The following VTA1 variants were observed in gnomAD, a reference collection of about 807,000 sequenced individuals.
The protein encoded by VTA1 is vesicle trafficking 1.
VTA1 carries 24 observed loss-of-function variants against 36.9 expected under a neutral mutation model. The ratio of observed to expected loss-of-function variants is 0.65; its 90% CI spans 0.47 to 0.91. VTA1 has a LOEUF of 0.91. VTA1 is among the 40% of genes least tolerant of loss of function. VTA1 has a pLI of 0.00. For missense variants in VTA1, 393 were observed against 377.2 expected, an observed-to-expected ratio of 1.04 and a Z score of -0.35; for synonymous variants, 142 against 130.2, an observed-to-expected ratio of 1.09 and a Z score of -0.62.
In VTA1 at chr6:142,166,272, ACTC is replaced by A. The variant is rs1774913491; in HGVS notation, c.160_162del (p.Pro54del). 16 of 1,612,280 alleles carry A rather than the reference ACTC, an allele frequency of 9.9e-6. No individual in the cohort carries two copies. The highest frequency in any genetic ancestry group is 1.4e-5 in the Non-Finnish European group (16 of 1,179,058). On this transcript the variant is annotated inframe_deletion, in exon 2 of 8. Coordinates refer to ENST00000367630, the MANE Select transcript of VTA1 (RefSeq NM_016485.5). The stretch of plus-strand genomic sequence containing the variant: ...GACTGGAATGAAGATCGATAGTAAA[ACTC>A]CTGAATGTCGCAAATTTTTATCAAA...
At chr6:142,155,677 G>C (rs1351858978) in intron 1 of VTA1, among the ~76,000 whole-genome samples, 1 of 152,060 alleles carries the variant, frequency 6.6e-6, no homozygotes, top group Non-Finnish European at 1.5e-5. Context: ...TTAGGCACTT[G>C]GTTGTCTCCA....
At chr6:142,164,762 A>G (rs17071508) in intron 1 of VTA1, among the ~76,000 whole-genome samples, 2,025 of 152,262 alleles carry the variant, frequency 0.013, 53 homozygotes, top group African/African-American at 0.046. Flanking sequence ...AACTTAATAT[A>G]TTATAATGAA....
intron 1 of VTA1, among the ~76,000 whole-genome samples, 166 bp downstream of exon 1, chr6:142,147,565 G>A (rs1210285986): frequency 1.3e-5 from 2 of 152,168 alleles, no homozygotes; most frequent in East Asian, 1.9e-4. Flanking sequence ...CTGGCAGTAG[G>A]AATCCCAAAA....
rs182765190 is a variant in VTA1 at position 142,151,350 on chromosome 6, A to G, written c.112+3951A>G. ...TGTGTTGCAGTATTCTGAATTCTCA[A>G]AATGATAAAAATTTTCATGAGATGA... is the stretch of plus-strand genomic sequence containing the variant. On this transcript the variant is annotated intron_variant, in intron 1 of 7. Transcript: ENST00000367630. 1.2e-3 allele frequency among the ~76,000 whole-genome samples: 189 copies of G among 152,258 alleles called. 1 individual carries two copies. The highest frequency in any genetic ancestry group is 4.4e-3 in the African/African-American group (182 of 41,550).
intron 1 of VTA1, among the ~76,000 whole-genome samples, chr6:142,156,415 C>G (rs1186947807): frequency 4.6e-5 from 7 of 152,140 alleles, no homozygotes; most frequent in African/African-American, 1.7e-4. Flanking sequence ...GAGATGCTTT[C>G]TGTTAATAGT....
chr6:142,169,109 AT>A (rs1345621164), intron 2 of VTA1, among the ~76,000 whole-genome samples: 1 of 151,698 alleles, frequency 6.6e-6, no homozygotes. Flanking sequence ...TTCTAGTCTT[AT>A]TTTTTTTAGA....
At chr6:142,183,768 A>T (rs1479937880) in intron 4 of VTA1, among the ~76,000 whole-genome samples, 1 of 152,228 alleles carries the variant, frequency 6.6e-6, no homozygotes, top group East Asian at 1.9e-4. Context: ...TAGTGGAATT[A>T]CAACTGCCGG....
At chr6:142,211,286 T>G (rs1336578337) in intron 7 of VTA1, among the ~76,000 whole-genome samples, 1 of 152,086 alleles carries the variant, frequency 6.6e-6, no homozygotes, top group Non-Finnish European at 1.5e-5. Flanking sequence ...ATATTTTACC[T>G]TCATAAAAAA....
rs552763565 is a variant in VTA1, at chr6:142,210,826, C to A, written c.778+6761C>A. On this transcript the variant is annotated intron_variant, in intron 7 of 7. Transcript: ENST00000367630. Reference sequence around the variant, plus strand: ...TTCCAAAGGAAAGGAAAACAATATCCAAAAGAAAGGAAATGAATATGCTGC... The same window carrying A: ...TTCCAAAGGAAAGGAAAACAATATCAAAAAGAAAGGAAATGAATATGCTGC... Among the ~76,000 whole-genome samples the A allele has an allele frequency of 3.9e-5, 6 of 152,034 alleles. No homozygotes were observed. The South Asian group carries it at 1.0e-3, about 26-fold the overall frequency.
Position 142,147,292 on chromosome 6 carries a change from C to G in VTA1, c.5C>G (p.Ala2Gly), listed in dbSNP as rs765995461. Residue 2 changes from alanine to glycine, a missense_variant, in exon 1 of 8, where the codon GCC becomes GGC. Transcript: ENST00000367630. The stretch of plus-strand genomic sequence containing the variant: ...AGTGGTGAGTTCGGAGTAGAGATGG[C>G]CGCGCTTGCACCGCTGCCCCCGCTC... M[A>G]ALAPLPPLPA... 4.3e-6 allele frequency: 7 copies of G among 1,614,124 alleles called. No homozygotes were observed. The highest frequency in any genetic ancestry group is 4.5e-5 in the East Asian group (2 of 44,880).
intron 7 of VTA1, among the ~76,000 whole-genome samples, chr6:142,218,086 T>G: frequency 6.6e-6 from 1 of 152,190 alleles, no homozygotes; most frequent in Non-Finnish European, 1.5e-5. Context: ...CTGGTTTTCT[T>G]TACATAAAGT....
At chr6:142,203,752 A>T (rs1351953384) in intron 6 of VTA1, among the ~76,000 whole-genome samples, 1 of 152,202 alleles carries the variant, frequency 6.6e-6, no homozygotes, top group Non-Finnish European at 1.5e-5. Context: ...GCTTTAATGG[A>T]GAAGTAATGC....
intron 4 of VTA1, among the ~76,000 whole-genome samples, chr6:142,185,392 C>T (rs1775321482): frequency 1.3e-5 from 2 of 152,062 alleles, no homozygotes; most frequent in South Asian, 2.1e-4. Flanking sequence ...ACTATACATA[C>T]CTTATGTTTT....
Position 142,189,550 on chromosome 6 carries a change from TTC to T in VTA1, c.520+18_520+19del, listed in dbSNP as rs760555288. Reference sequence around the variant, plus strand: ...GAAGATAATGGTATGTATTTATTTATTCTGAGTAAAAGGACTTAGTAGAATCA... The same window carrying T: ...GAAGATAATGGTATGTATTTATTTATTGAGTAAAAGGACTTAGTAGAATCA... On this transcript the variant is annotated intron_variant, in intron 5 of 7. Transcript: ENST00000367630. The T allele has an allele frequency of 3.3e-6, 4 of 1,194,996 alleles. No homozygotes were observed. The African/African-American group carries it at 5.6e-5, about 17-fold the overall frequency. The allele number at this position is 1,194,996 out of a possible 1,614,324, so 74.0% of individuals were successfully genotyped here. A position where few individuals can be genotyped will look rare whatever the true frequency, so the allele number is the denominator to read the frequency against.
intron 7 of VTA1, among the ~76,000 whole-genome samples, chr6:142,211,708 C>T (rs1775907306): frequency 1.2e-5 from 1 of 84,804 alleles, no homozygotes; most frequent in African/African-American, 3.7e-5. Context: ...GAGACTCCAT[C>T]TCTTAAAAAA....
At chr6:142,164,993 G>A (rs762521846) in intron 1 of VTA1, among the ~76,000 whole-genome samples, 4 of 152,134 alleles carry the variant, frequency 2.6e-5, no homozygotes, top group Non-Finnish European at 4.4e-5. Context: ...GTGGGGGAAC[G>A]TTATATCTCT....
intron 4 of VTA1, among the ~76,000 whole-genome samples, chr6:142,188,715 C>A (rs903284094): frequency 5.3e-5 from 8 of 149,780 alleles, no homozygotes; most frequent in Non-Finnish European, 5.9e-5. Flanking sequence ...CTAAAAATCA[C>A]TAGCACATCC....
chr6:142,153,017 C>G (rs990662394), intron 1 of VTA1, among the ~76,000 whole-genome samples: 5 of 152,054 alleles, frequency 3.3e-5, no homozygotes, highest in Non-Finnish European at 7.4e-5. Flanking sequence ...TAAAGATGAT[C>G]TAGAAATTGT....
chr6:142,187,372 T>C (rs1045388954), intron 4 of VTA1, among the ~76,000 whole-genome samples: 1 of 152,218 alleles, frequency 6.6e-6, no homozygotes, highest in African/African-American at 2.4e-5. Context: ...ACCTAAAAAG[T>C]GTCCCTTGGA....
Sources: gnomAD v4.1 joint callset for allele counts (sites outside exome capture counted in the v4.1 genomes callset) on GRCh38, gnomAD v4.1.1 for gene constraint, MANE v1.5 for transcripts, NCBI Gene and HGNC (gene_info 2026-07-23, HGNC 2026-07-21) for gene names.